Variants in EDIL3 observed in about 807,000 individuals in gnomAD.
The protein encoded by EDIL3 is EGF-like repeat and discoidin I-like domain-containing protein 3.
EDIL3 carries 37 observed loss-of-function variants against 67.4 expected under a neutral mutation model. That is an observed-to-expected ratio of 0.55 (90% CI 0.42 to 0.72). The LOEUF (loss-of-function observed/expected upper bound fraction) is 0.72, where lower values mean the gene tolerates loss of function less well. EDIL3 is among the 30% of genes least tolerant of loss of function. The pLI is 0.00. For synonymous variants in EDIL3, 195 were observed against 196.3 expected, an observed-to-expected ratio of 0.99 and a Z score of 0.05; for missense variants, 527 against 586.3, an observed-to-expected ratio of 0.90 and a Z score of 1.04.
intron 9 of EDIL3, among the ~76,000 whole-genome samples, chr5:84,002,692 A>G (rs1418970589): frequency 6.6e-6 from 1 of 152,248 alleles, no homozygotes; most frequent in Non-Finnish European, 1.5e-5. Context: ...TGATAGCTAC[A>G]AAGAAAATAA....
At chr5:84,106,978 C>G in intron 5 of EDIL3, 148 bp from the exon 6 acceptor site, 1 of 857,988 alleles carries the variant, frequency 1.2e-6, no homozygotes, top group Non-Finnish European at 1.7e-6. Flanking sequence ...GATCTGTTAT[C>G]GATCTCTAAA....
At chr5:84,005,538 T>C (rs1267813790) in intron 9 of EDIL3, among the ~76,000 whole-genome samples, 2 of 152,148 alleles carry the variant, frequency 1.3e-5, no homozygotes, top group Non-Finnish European at 2.9e-5. Context: ...TATCAATAAA[T>C]GTGTTTCATC....
chr5:84,126,898 C>T (rs1262743625), intron 5 of EDIL3, among the ~76,000 whole-genome samples: 1 of 151,922 alleles, frequency 6.6e-6, no homozygotes, highest in East Asian at 1.9e-4. Context: ...TGGCAGAATC[C>T]AGAAATAATT....
chr5:84,129,533 G>C (rs1190950611), intron 5 of EDIL3, among the ~76,000 whole-genome samples: 7 of 151,838 alleles, frequency 4.6e-5, no homozygotes, highest in Non-Finnish European at 8.8e-5. Flanking sequence ...TGTCCCACTG[G>C]AGTTTTGGAT....
intron 9 of EDIL3, among the ~76,000 whole-genome samples, chr5:83,983,413 T>C (rs1745005513): frequency 6.6e-6 from 1 of 152,118 alleles, no homozygotes; most frequent in South Asian, 2.1e-4. Flanking sequence ...GAAGTTTGTT[T>C]TTAAAATATA....
chr5:84,291,716 CTATA>C (rs1745923427), intron 1 of EDIL3, among the ~76,000 whole-genome samples: 1 of 128,698 alleles, frequency 7.8e-6, no homozygotes, highest in Admixed American at 8.0e-5. Context: ...GTAGATCTAT[CTATA>C]TATCTATATA....
chr5:84,128,464 T>TAGA (rs1340130187), intron 5 of EDIL3, among the ~76,000 whole-genome samples: 1 of 132,142 alleles, frequency 7.6e-6, no homozygotes, highest in Non-Finnish European at 1.6e-5. Context: ...CATTAACATG[T>TAGA]AGAAGATACT....
chr5:84,160,138 T>C (rs1010514361), intron 4 of EDIL3, among the ~76,000 whole-genome samples: 2 of 152,176 alleles, frequency 1.3e-5, no homozygotes, highest in Non-Finnish European at 2.9e-5. Flanking sequence ...AGAACCTTTG[T>C]ACTGGTTTTT....
At chr5:84,328,816 A>G (rs1478734328) in intron 1 of EDIL3, among the ~76,000 whole-genome samples, 1 of 152,106 alleles carries the variant, frequency 6.6e-6, no homozygotes, top group South Asian at 2.1e-4. Context: ...GATTATTTCA[A>G]TTGGGAAAAG....
intron 1 of EDIL3, among the ~76,000 whole-genome samples, chr5:84,287,406 T>C (rs1196844603): frequency 2.6e-5 from 4 of 152,148 alleles, no homozygotes; most frequent in Admixed American, 1.3e-4. Context: ...GTTGAACAAA[T>C]TGAAGAAAAC....
chr5:84,366,230 A>G (rs1747730770), intron 1 of EDIL3, among the ~76,000 whole-genome samples: 1 of 152,200 alleles, frequency 6.6e-6, no homozygotes, highest in African/African-American at 2.4e-5. Context: ...TGGAGATACT[A>G]TACTGTCGCC....
rs115496253 is a variant in EDIL3 at position 84,155,163 on chromosome 5, A to G, written c.356-17809T>C. On this transcript the variant is annotated intron_variant, in intron 4 of 10. Transcript: ENST00000296591. Reference sequence around the variant, plus strand: ...ATTTGCAATAAAACATCTTTAGGTAATTTTCATGAAAGGAGTAAGTATAAC... The same window carrying G: ...ATTTGCAATAAAACATCTTTAGGTAGTTTTCATGAAAGGAGTAAGTATAAC... 3.9e-3 allele frequency among the ~76,000 whole-genome samples: 597 copies of G among 152,114 alleles called. 6 individuals are homozygous for G. The highest frequency in any genetic ancestry group is 0.013 in the African/African-American group (560 of 41,490).
At chr5:84,361,777 C>T (rs1747616744) in intron 1 of EDIL3, among the ~76,000 whole-genome samples, 1 of 151,624 alleles carries the variant, frequency 6.6e-6, no homozygotes, top group South Asian at 2.1e-4. Context: ...GTGAGGCATA[C>T]CAAAGTGCTG....
rs1425687270 is a variant in EDIL3 at position 83,942,294 on chromosome 5, G to C, written c.*1125C>G. 2 of 151,920 alleles carry C rather than the reference G, an allele frequency of 1.3e-5. No individual in the cohort carries two copies. The highest frequency in any genetic ancestry group is 4.8e-5 in the African/African-American group (2 of 41,396). The allele number at this position is 151,920 out of a possible 1,614,324, so 9.4% of individuals were successfully genotyped here. A position where few individuals can be genotyped will look rare whatever the true frequency, so the allele number is the denominator to read the frequency against. On this transcript the variant is annotated 3_prime_UTR_variant, in exon 11 of 11. Coordinates refer to ENST00000296591, the MANE Select transcript of EDIL3 (RefSeq NM_005711.5). ...CTACTTTGTCATTAGTAAACACTTT[G>C]CTTCTCACAAATAACTCCACCTGTG...
chr5:84,121,353 T>A (rs544212919), intron 5 of EDIL3, among the ~76,000 whole-genome samples: 2 of 152,126 alleles, frequency 1.3e-5, no homozygotes, highest in Admixed American at 1.3e-4. Flanking sequence ...TATGTGCTAA[T>A]TTCACTGCTT....
At chr5:84,354,599 T>C (rs1451252476) in intron 1 of EDIL3, among the ~76,000 whole-genome samples, 3 of 151,270 alleles carry the variant, frequency 2.0e-5, no homozygotes. Context: ...GGAGGTTGCA[T>C]TGAGCTGAGA....
At chr5:84,273,485 C>T (rs1745515005) in intron 1 of EDIL3, among the ~76,000 whole-genome samples, 2 of 152,208 alleles carry the variant, frequency 1.3e-5, no homozygotes, top group South Asian at 4.2e-4. Context: ...ATAATAACAG[C>T]GTCTGCCTGA....
chr5:84,230,549 A>G (rs543606763), intron 2 of EDIL3, among the ~76,000 whole-genome samples: 24 of 152,078 alleles, frequency 1.6e-4, no homozygotes, highest in African/African-American at 5.5e-4. Context: ...CTGGGATTAC[A>G]GGCATGTACC....
intron 1 of EDIL3, among the ~76,000 whole-genome samples, chr5:84,264,695 G>C (rs961400135): frequency 6.6e-6 from 1 of 152,148 alleles, no homozygotes; most frequent in Non-Finnish European, 1.5e-5. Flanking sequence ...TGTTCTTTCA[G>C]AGAAGATTGC....
Sources: gnomAD v4.1 joint callset for allele counts (sites outside exome capture counted in the v4.1 genomes callset) on GRCh38, gnomAD v4.1.1 for gene constraint, MANE v1.5 for transcripts, NCBI Gene and HGNC (gene_info 2026-07-23, HGNC 2026-07-21) for gene names.